ARGLU1: variants seen among roughly 807,000 people sequenced by gnomAD.
The protein encoded by ARGLU1 is arginine and glutamate-rich protein 1.
A neutral mutation model predicts 37.6 loss-of-function variants in ARGLU1; 9 were observed. The observed-to-expected ratio is 0.24, with a 90% confidence interval of 0.14 to 0.42. The LOEUF (loss-of-function observed/expected upper bound fraction) is 0.42. Among genes scored for constraint, ARGLU1 ranks in the 10% least tolerant of loss-of-function variants. ARGLU1 has a pLI of 1.00. For synonymous variants in ARGLU1, 166 were observed against 138.5 expected (o/e 1.20, Z -1.39); for missense variants, 211 against 359.2 (o/e 0.59, Z 3.34).
intron 2 of ARGLU1, chr13:106,558,995 G>A: frequency 1.0e-6 from 1 of 985,382 alleles, no homozygotes; most frequent in Non-Finnish European, 1.2e-6. Flanking sequence ...TCAATGTTAG[G>A]CCCTGCTCTT....
rs574199893 is a variant in ARGLU1 at position 106,563,954 on chromosome 13, A to C, written c.347+3619T>G. On this transcript the variant is annotated intron_variant, in intron 1 of 3. Transcript: ENST00000400198. ...CATTAACATTTTCCTGATTTGCTGC[A>C]AGTTATTTTCAGTTGTCTATTTTTT... Among the ~76,000 whole-genome samples the C allele has an allele frequency of 2.0e-5, 3 of 152,340 alleles. No individual in the cohort carries two copies. The South Asian group carries it at 6.2e-4, about 32-fold the overall frequency.
At chr13:106,565,858 T>A (rs574541861) in intron 1 of ARGLU1, among the ~76,000 whole-genome samples, 1 of 152,360 alleles carries the variant, frequency 6.6e-6, no homozygotes, top group South Asian at 2.1e-4. Flanking sequence ...CCGTATTTCA[T>A]TCCTGAATTT....
At chr13:106,550,176 C>T (rs761475883) in intron 3 of ARGLU1, among the ~76,000 whole-genome samples, 9 of 152,072 alleles carry the variant, frequency 5.9e-5, no homozygotes, top group Non-Finnish European at 1.3e-4. Flanking sequence ...CCCTGCGTCC[C>T]GGCTTTTTCA....
chr13:106,560,743 C>G (rs1304988594), intron 1 of ARGLU1, among the ~76,000 whole-genome samples: 3 of 152,116 alleles, frequency 2.0e-5, no homozygotes, highest in Non-Finnish European at 4.4e-5. Context: ...AATCTCAATC[C>G]TAAGAGGACG....
Position 106,541,894 on chromosome 13 carries a change from G to T in ARGLU1, c.*2102C>A, listed in dbSNP as rs540195384. 2 of 151,972 alleles carry T rather than the reference G, an allele frequency of 1.3e-5. No homozygotes were observed. The highest frequency in any genetic ancestry group is 2.9e-5 in the Non-Finnish European group (2 of 67,982). 9.4% of individuals were successfully genotyped at this position (151,972 alleles called of 1,614,324 possible). ...TTTTAAGTTTTCTATGTACACAAAGGCAGTGGGAACAAATGAAAAAAACAA... is the reference window on the plus strand; with the variant it reads ...TTTTAAGTTTTCTATGTACACAAAGTCAGTGGGAACAAATGAAAAAAACAA... On this transcript the variant is annotated 3_prime_UTR_variant, in exon 4 of 4. Transcript: ENST00000400198.
chr13:106,559,464 G>C lies in ARGLU1; in HGVS notation c.541C>G (p.Gln181Glu). ...QLLEELERQR[Q>E]AELAAQKARE... ...GCTTTTTGTGCGGCAAGCTCAGCTT[G>C]TCTCTGTCGCTCGAGTTCTTCGAGC... The change falls in exon 2 of 4, where the codon CAA becomes GAA. Residue 181 changes from glutamine to glutamate, a missense_variant. Gln to Glu is a conservative substitution (Grantham distance 29, BLOSUM62 2). Transcript: ENST00000400198. 1 of 1,614,178 alleles carries C rather than the reference G, an allele frequency of 6.2e-7. No homozygotes were observed. Among genetic ancestry groups the C allele is most frequent in the East Asian group, 2.2e-5 (1 of 44,874 alleles).
chr13:106,549,503 G>A (rs79243066), intron 3 of ARGLU1, among the ~76,000 whole-genome samples: 522 of 152,218 alleles, frequency 3.4e-3, no homozygotes, highest in Admixed American at 8.4e-3. Context: ...AGTAAACTAC[G>A]TCAGTAAATT....
At chr13:106,554,027 C>T (rs1410523396) in intron 3 of ARGLU1, among the ~76,000 whole-genome samples, 1 of 152,186 alleles carries the variant, frequency 6.6e-6, no homozygotes, top group African/African-American at 2.4e-5. Flanking sequence ...CTCTTGTCTA[C>T]CTCCTAATAG....
chr13:106,558,307 C>T, intron 2 of ARGLU1: 1 of 984,764 alleles, frequency 1.0e-6, no homozygotes, highest in Non-Finnish European at 1.2e-6. Context: ...TAAATATAAG[C>T]ATGTATATCT....
intron 3 of ARGLU1, among the ~76,000 whole-genome samples, chr13:106,550,287 T>C (rs77558864): frequency 0.037 from 5,667 of 152,256 alleles, 391 homozygotes; most frequent in African/African-American, 0.13. Flanking sequence ...CTTCAGTGGC[T>C]TCGTGTTTCC....
chr13:106,544,118 G>T lies in ARGLU1; in HGVS notation c.700C>A (p.His234Asn). Reference protein sequence around the residue: ...LRIVEEQRKIHEERMKLEQER... With the variant: ...LRIVEEQRKINEERMKLEQER... ...TGTTCTAGTTTCATCCTTTCCTCAT[G>T]AATCTTTCTTTGTTCTTCAACAATT... is the stretch of plus-strand genomic sequence containing the variant. The change falls in exon 4 of 4, where the codon CAT becomes AAT. Residue 234 changes from histidine (H) to asparagine (N), a missense_variant. His to Asn is a moderately conservative substitution (Grantham distance 68). Transcript: ENST00000400198. 1 of 1,596,472 alleles carries T rather than the reference G, an allele frequency of 6.3e-7. No individual in the cohort carries two copies. Among genetic ancestry groups the T allele is most frequent in the Non-Finnish European group, 8.5e-7 (1 of 1,175,064 alleles).
chr13:106,547,607 G>T (rs1284107970), intron 3 of ARGLU1, among the ~76,000 whole-genome samples: 1 of 151,998 alleles, frequency 6.6e-6, no homozygotes, highest in Non-Finnish European at 1.5e-5. Context: ...ACTGTTAAAT[G>T]AAAAAAAGAA....
intron 1 of ARGLU1, among the ~76,000 whole-genome samples, chr13:106,565,962 T>C (rs759248947): frequency 1.6e-4 from 25 of 152,266 alleles, no homozygotes; most frequent in Non-Finnish European, 3.4e-4. Flanking sequence ...CTTAGCTTTC[T>C]AGTGAAAGGC....
intron 2 of ARGLU1, chr13:106,558,142 G>C (rs1880702950): frequency 1.0e-6 from 1 of 983,698 alleles, no homozygotes; most frequent in South Asian, 4.7e-5. Flanking sequence ...TTGTTAATAT[G>C]AAACAAAAAA....
intron 1 of ARGLU1, 55 bp from the exon 2 acceptor site, chr13:106,559,712 T>G: frequency 2.0e-6 from 3 of 1,536,444 alleles, no homozygotes; most frequent in Admixed American, 2.1e-5. Context: ...AACTATAAAT[T>G]TAAACAAAAC....
chr13:106,548,441 T>C (rs1266688597), intron 3 of ARGLU1, among the ~76,000 whole-genome samples: 2 of 152,098 alleles, frequency 1.3e-5, no homozygotes, highest in Non-Finnish European at 2.9e-5. Context: ...AGTATTTGCA[T>C]GGGGGGTTGG....
intron 3 of ARGLU1, among the ~76,000 whole-genome samples, chr13:106,549,232 A>T (rs1880472881): frequency 6.6e-6 from 1 of 152,242 alleles, no homozygotes; most frequent in Non-Finnish European, 1.5e-5. Context: ...ATAAAATTTT[A>T]AAAATCCATA....
chr13:106,544,877 C>A (rs1196638715), intron 3 of ARGLU1, among the ~76,000 whole-genome samples: 1 of 152,182 alleles, frequency 6.6e-6, no homozygotes, highest in African/African-American at 2.4e-5. Flanking sequence ...CTATAAAGTG[C>A]TATCTAATTT....
chr13:106,558,724 C>T (rs1249893437), intron 2 of ARGLU1: 1 of 985,266 alleles, frequency 1.0e-6, no homozygotes, highest in African/African-American at 1.7e-5. Flanking sequence ...AGCTTGACTC[C>T]AGACAAGGAC....
Sources: gnomAD v4.1 joint callset for allele counts (sites outside exome capture counted in the v4.1 genomes callset) on GRCh38, gnomAD v4.1.1 for gene constraint, MANE v1.5 for transcripts, NCBI Gene and HGNC (gene_info 2026-07-23, HGNC 2026-07-21) for gene names.